The following C12orf42 variants were observed in gnomAD, a reference collection of about 807,000 sequenced individuals.
The protein encoded by C12orf42 is chromosome 12 open reading frame 42.
In C12orf42, 25 loss-of-function variants were observed where a neutral mutation model predicts 21.6. That is an observed-to-expected ratio of 1.16 (90% CI 0.84 to 1.62). C12orf42 has a LOEUF of 1.62. Among genes scored for constraint, C12orf42 ranks in the 40% most tolerant of loss-of-function variants. The pLI, the probability that C12orf42 is intolerant of heterozygous loss-of-function variation, is 0.00. For missense variants in C12orf42, 483 were observed against 459.3 expected, an observed-to-expected ratio of 1.05 and a Z score of -0.47; for synonymous variants, 174 against 175.0, an observed-to-expected ratio of 0.99 and a Z score of 0.05.
chr12:103,253,519 C>T (rs1324597174), intron 10 of C12orf42, among the ~76,000 whole-genome samples: 2 of 152,250 alleles, frequency 1.3e-5, no homozygotes, highest in East Asian at 3.9e-4. Flanking sequence ...AGAGGTCCTT[C>T]ATGTCCCTTG....
In C12orf42 at chr12:103,358,031, C is replaced by T. The variant is rs554536633; in HGVS notation, c.259+10856G>A. Reference sequence around the variant, plus strand: ...CTAAAAATTGGTAGACTGGTTGGTACAGTAGGGGCTTCACTCACATGTCTG... The same window carrying T: ...CTAAAAATTGGTAGACTGGTTGGTATAGTAGGGGCTTCACTCACATGTCTG... On this transcript the variant is annotated intron_variant, in intron 4 of 5. Transcript: ENST00000548883. Among the ~76,000 whole-genome samples the T allele has an allele frequency of 3.3e-5, 5 of 152,106 alleles. No individual in the cohort carries two copies. In the East Asian group the frequency reaches 9.7e-4, roughly 29 times the overall value.
the C12orf42 span, among the ~76,000 whole-genome samples, chr12:103,107,611 C>A: frequency 2.0e-5 from 3 of 151,490 alleles, no homozygotes; most frequent in East Asian, 5.8e-4. Context: ...GAAGCTAGTA[C>A]TTGGAGAAAA....
At chr12:103,404,751 T>C (rs1234916929) in intron 2 of C12orf42, among the ~76,000 whole-genome samples, 2 of 152,102 alleles carry the variant, frequency 1.3e-5, no homozygotes, top group South Asian at 2.1e-4. Flanking sequence ...ACAGCCCATA[T>C]GTTAGAGAAG....
intron 4 of C12orf42, among the ~76,000 whole-genome samples, chr12:103,285,427 C>T (rs1291010545): frequency 6.6e-6 from 1 of 152,216 alleles, no homozygotes; most frequent in African/African-American, 2.4e-5. Context: ...GATCTAGCCT[C>T]TAAGGACTGG....
chr12:103,178,042 TTC>T, the C12orf42 span: 1 of 152,184 alleles, frequency 6.6e-6, no homozygotes, highest in Non-Finnish European at 1.5e-5. Context: ...TGCTTATTAT[TTC>T]TTAGTGGTCT....
chr12:103,123,072 A>G, the C12orf42 span, among the ~76,000 whole-genome samples: 3 of 152,182 alleles, frequency 2.0e-5, no homozygotes, highest in African/African-American at 7.2e-5. Context: ...TTTAATTGGA[A>G]ATGATGCTTA....
intron 10 of C12orf42, among the ~76,000 whole-genome samples, chr12:103,241,202 A>T (rs932263533): frequency 6.6e-6 from 1 of 152,040 alleles, no homozygotes; most frequent in Non-Finnish European, 1.5e-5. Flanking sequence ...AAAAAAAAGA[A>T]AACATTTTAT....
At chr12:103,130,538 CCAGGGAGCT>C in the C12orf42 span, among the ~76,000 whole-genome samples, 1 of 152,056 alleles carries the variant, frequency 6.6e-6, no homozygotes, top group Non-Finnish European at 1.5e-5. Context: ...GTTGGTTCCT[CCAGGGAGCT>C]GACTCTAAGG....
At chr12:103,432,816 G>C (rs992542028) in intron 2 of C12orf42, among the ~76,000 whole-genome samples, 9 of 152,154 alleles carry the variant, frequency 5.9e-5, no homozygotes, top group Non-Finnish European at 1.2e-4. Flanking sequence ...CAGCAAGAAG[G>C]TGGCCATCAG....
intron 5 of C12orf42, among the ~76,000 whole-genome samples, chr12:103,275,986 T>C (rs2035749879): frequency 1.3e-5 from 2 of 152,108 alleles, no homozygotes; most frequent in African/African-American, 4.8e-5. Context: ...GGTGAAAGGA[T>C]CTCTTGAGCC....
the C12orf42 span, among the ~76,000 whole-genome samples, chr12:103,184,484 C>T: frequency 6.6e-6 from 1 of 152,070 alleles, no homozygotes; most frequent in African/African-American, 2.4e-5. Context: ...TGTCAAACTT[C>T]CTTTTGAAAG....
chr12:103,490,214 C>G (rs552293778), intron 1 of C12orf42, among the ~76,000 whole-genome samples: 1 of 152,310 alleles, frequency 6.6e-6, no homozygotes, highest in South Asian at 2.1e-4. Context: ...AAATTTAAAT[C>G]TTAGTCTCTG....
chr12:103,069,402 C>T, the C12orf42 span, among the ~76,000 whole-genome samples: 1 of 152,010 alleles, frequency 6.6e-6, no homozygotes, highest in Non-Finnish European at 1.5e-5. Context: ...TTTAATATAC[C>T]TAACCTATCA....
chr12:103,444,181 TG>T (rs550864076), intron 2 of C12orf42, among the ~76,000 whole-genome samples: 5 of 152,110 alleles, frequency 3.3e-5, no homozygotes, highest in Non-Finnish European at 7.4e-5. Flanking sequence ...GTTATTAATT[TG>T]CTAGCTTCTT....
At chr12:103,548,906 CTG>C in the C12orf42 span, 1 of 152,280 alleles carries the variant, frequency 6.6e-6, no homozygotes, top group East Asian at 1.9e-4. Flanking sequence ...AGAAAAAAAT[CTG>C]AGTTCTCACG....
the C12orf42 span, among the ~76,000 whole-genome samples, chr12:103,180,717 C>T: frequency 1.7e-4 from 25 of 145,732 alleles, no homozygotes; most frequent in East Asian, 2.7e-3. Flanking sequence ...CAAACTGCAC[C>T]TCCTGGGTTC....
chr12:103,303,430 G>A (rs11830662), intron 5 of C12orf42, among the ~76,000 whole-genome samples: 100 of 152,112 alleles, frequency 6.6e-4, no homozygotes, highest in African/African-American at 2.3e-3. Context: ...TAATTCTTCA[G>A]TAGTGACTTA....
chr12:103,555,480 C>T, the C12orf42 span, among the ~76,000 whole-genome samples: 2 of 152,122 alleles, frequency 1.3e-5, no homozygotes, highest in African/African-American at 4.8e-5. Flanking sequence ...TGGGTGGGGA[C>T]ACAGCCAAAC....
chr12:103,500,822 TGA>T (rs1955701300), upstream of C12orf42, among the ~76,000 whole-genome samples: 1 of 152,218 alleles, frequency 6.6e-6, no homozygotes, highest in African/African-American at 2.4e-5. Context: ...CAAATTGAAG[TGA>T]TACTGCAAAG....
Sources: gnomAD v4.1 joint callset for allele counts (sites outside exome capture counted in the v4.1 genomes callset) on GRCh38, gnomAD v4.1.1 for gene constraint, MANE v1.5 for transcripts, NCBI Gene and HGNC (gene_info 2026-07-23, HGNC 2026-07-21) for gene names.